The following ATXN7L1 variants were observed in gnomAD, a reference collection of about 807,000 sequenced individuals.
The protein encoded by ATXN7L1 is ataxin 7 like 1.
ATXN7L1 carries 15 observed loss-of-function variants against 70.8 expected under a neutral mutation model. That is an observed-to-expected ratio of 0.21 (90% CI 0.14 to 0.33). The LOEUF (loss-of-function observed/expected upper bound fraction) is 0.33, where lower values mean the gene tolerates loss of function less well. ATXN7L1 is among the 10% of genes least tolerant of loss of function. The probability of loss-of-function intolerance (pLI) is 1.00; values close to 1 mark genes in which losing one functional copy is unlikely to be tolerated. For missense variants in ATXN7L1, 975 were observed against 1,097.1 expected (o/e 0.89, Z 1.57); for synonymous variants, 440 against 445.1 (o/e 0.99, Z 0.14).
At chr7:105,703,968 C>T (rs1212182226) in intron 3 of ATXN7L1, among the ~76,000 whole-genome samples, 1 of 152,224 alleles carries the variant, frequency 6.6e-6, no homozygotes, top group African/African-American at 2.4e-5. Context: ...AGAATTCAGT[C>T]TCATACCCAC....
Position 105,614,406 on chromosome 7 carries a change from T to C in ATXN7L1, c.1928A>G (p.Lys643Arg), listed in dbSNP as rs1446356232. The stretch of plus-strand genomic sequence containing the variant: ...AGTCGAAGACTGTGGCTTCCTTTTT[T>C]TGTTACTTGGAGACTCGTCGCTACG... Reference protein sequence around the residue: ...STRSDESPSNKKRKPQSSTSS... With the variant: ...STRSDESPSNRKRKPQSSTSS... The change falls in exon 10 of 12, where the codon AAA (lysine) becomes AGA (arginine). Residue 643 changes from lysine to arginine, a missense_variant. Lys to Arg is a conservative substitution (Grantham distance 26, BLOSUM62 2). Coordinates refer to ENST00000419735, the MANE Select transcript of ATXN7L1 (RefSeq NM_020725.2). This position sits in a 1 kb window ranked among gnomAD's most constrained non-coding sequence, Gnocchi z 4.3. 3.2e-6 allele frequency: 5 copies of C among 1,551,898 alleles called. No homozygotes were observed. The highest frequency in any genetic ancestry group is 3.9e-5 in the Admixed American group (2 of 50,922).
chr7:105,649,720 G>A (rs762085469), intron 4 of ATXN7L1, among the ~76,000 whole-genome samples: 13 of 152,234 alleles, frequency 8.5e-5, no homozygotes, highest in Non-Finnish European at 1.5e-4. Context: ...GGTTCTGAAT[G>A]TCTCTAGGTC....
chr7:105,678,947 C>T, intron 3 of ATXN7L1: 3 of 513,112 alleles, frequency 5.8e-6, no homozygotes, highest in Non-Finnish European at 7.5e-6. Flanking sequence ...TGCTAAATGC[C>T]TCGTGGGCTG....
In ATXN7L1 at chr7:105,643,021, C is replaced by G; in HGVS notation, c.679G>C (p.Ala227Pro). 6.4e-7 allele frequency: 1 copy of G among 1,551,754 alleles called. No homozygotes were observed. The highest frequency in any genetic ancestry group is 1.2e-5 in the South Asian group (1 of 84,052). ...MNSTTTTAVSASSTSSSAVST... is the reference protein window; with the variant it reads ...MNSTTTTAVSPSSTSSSAVST... The stretch of plus-strand genomic sequence containing the variant: ...ACGGCAGAGGACGAGGTGGAGGAGG[C>G]AGAAACTGCAGTAGTGGTTGTGGAG... The change falls in exon 5 of 12, where the codon GCC becomes CCC. Residue 227 changes from alanine (A) to proline (P), a missense_variant. This residue lies in a region of ATXN7L1 where 192 missense variants were observed against 215.5 expected (regional missense o/e 0.89). Coordinates refer to ENST00000419735, the MANE Select transcript of ATXN7L1 (RefSeq NM_020725.2).
At chr7:105,791,815 T>C (rs1282880564) in intron 2 of ATXN7L1, among the ~76,000 whole-genome samples, 1 of 152,222 alleles carries the variant, frequency 6.6e-6, no homozygotes, top group African/African-American at 2.4e-5. Context: ...TGACATCCTT[T>C]CTGCAACAGG....
chr7:105,776,221 TCACGTTA>T (rs1802706712), intron 3 of ATXN7L1, among the ~76,000 whole-genome samples: 1 of 152,008 alleles, frequency 6.6e-6, no homozygotes, highest in African/African-American at 2.4e-5. Flanking sequence ...AAGCCAGGGG[TCACGTTA>T]CAGCGAGAGC....
rs1793637358 is a variant in ATXN7L1 at position 105,614,870 on chromosome 7, C to T, written c.1518-54G>A. On this transcript the variant is annotated intron_variant, in intron 9 of 11. Coordinates refer to ENST00000419735, the MANE Select transcript of ATXN7L1 (RefSeq NM_020725.2). This position sits in a 1 kb window ranked among gnomAD's most constrained non-coding sequence, Gnocchi z 4.3. ...TCAGTGAGACATCGGGTTGGCATTG[C>T]TCAGGAGGCTCGATGACGTTTGAGG... is the stretch of plus-strand genomic sequence containing the variant. 25 of 1,501,736 alleles carry T rather than the reference C, an allele frequency of 1.7e-5. No homozygotes were observed. The highest frequency in any genetic ancestry group is 2.2e-5 in the Non-Finnish European group (25 of 1,120,336). 93.0% of individuals were successfully genotyped at this position (1,501,736 alleles called of 1,614,324 possible).
At chr7:105,686,408 T>A (rs1806190513) in intron 3 of ATXN7L1, among the ~76,000 whole-genome samples, 1 of 151,978 alleles carries the variant, frequency 6.6e-6, no homozygotes, top group Admixed American at 6.6e-5. Context: ...CCTAGCTACT[T>A]GGGAGGCTGA....
chr7:105,751,913 T>C lies in ATXN7L1; in HGVS notation c.355+36691A>G, dbSNP rs141361485. Reference sequence around the variant, plus strand: ...CTTATACTGGGCCTCCTTCGGTAGATAGCAATCCTTCAAACAACCATAATC... The same window carrying C: ...CTTATACTGGGCCTCCTTCGGTAGACAGCAATCCTTCAAACAACCATAATC... On this transcript the variant is annotated intron_variant, in intron 3 of 11. Transcript: ENST00000419735. Among the ~76,000 whole-genome samples, 10 of 152,356 alleles carry C rather than the reference T, an allele frequency of 6.6e-5. No individual in the cohort carries two copies. In the East Asian group the frequency reaches 1.5e-3, roughly 24 times the overall value.
chr7:105,719,864 G>C (rs1584823230), intron 3 of ATXN7L1, among the ~76,000 whole-genome samples: 1 of 152,350 alleles, frequency 6.6e-6, no homozygotes, highest in Middle Eastern at 3.4e-3. Context: ...GGAACAGAAA[G>C]ATCCAGCTGT....
chr7:105,657,670 C>T (rs1303773260), intron 4 of ATXN7L1, among the ~76,000 whole-genome samples: 4 of 132,526 alleles, frequency 3.0e-5, no homozygotes, highest in African/African-American at 1.2e-4. Flanking sequence ...GTACTCCAGC[C>T]GCAGCCTGGG....
intron 2 of ATXN7L1, among the ~76,000 whole-genome samples, chr7:105,856,586 CAAA>C (rs375731226): frequency 5.0e-5 from 4 of 80,288 alleles, no homozygotes; most frequent in Admixed American, 1.4e-4. Context: ...GACTCAGTCT[CAAA>C]AAAAAAAAAA....
At position 105,744,124 on chromosome 7, in the gene ATXN7L1, T is replaced by C. The variant is rs77536335; in HGVS notation, c.355+44480A>G. Among the ~76,000 whole-genome samples the C allele has an allele frequency of 9.2e-5, 14 of 152,016 alleles. No individual in the cohort carries two copies. In the East Asian group the frequency reaches 2.5e-3, roughly 27 times the overall value. The stretch of plus-strand genomic sequence containing the variant: ...GTTAAAAAACAGAAACATCATCACC[T>C]CTCAAGTCACCAAAGGATTAAATGA... On this transcript the variant is annotated intron_variant, in intron 3 of 11. Coordinates refer to ENST00000419735, the MANE Select transcript of ATXN7L1 (RefSeq NM_020725.2).
Position 105,613,903 on chromosome 7 carries a change from C to A in ATXN7L1, c.2431G>T (p.Ala811Ser). The change falls in exon 10 of 12, where the codon GCA (alanine) becomes TCA (serine). Residue 811 changes from alanine (A) to serine (S), a missense_variant. Coordinates refer to ENST00000419735, the MANE Select transcript of ATXN7L1 (RefSeq NM_020725.2). Reference sequence around the variant, plus strand: ...CTGTTAACGGGATCGGGCACCGGTGCGAGAAGGCTGGGCGGGTTCTTTTTG... The same window carrying A: ...CTGTTAACGGGATCGGGCACCGGTGAGAGAAGGCTGGGCGGGTTCTTTTTG... ...VHKKNPPSLLAPVPDPVNSTS... is the reference protein window; with the variant it reads ...VHKKNPPSLLSPVPDPVNSTS... The A allele has an allele frequency of 1.3e-6, 2 of 1,552,020 alleles. No individual in the cohort carries two copies. The highest frequency in any genetic ancestry group is 1.7e-6 in the Non-Finnish European group (2 of 1,146,994).
chr7:105,656,520 G>T (rs1391562704), intron 4 of ATXN7L1, among the ~76,000 whole-genome samples: 2 of 152,062 alleles, frequency 1.3e-5, no homozygotes. Context: ...AGGCAGTTCT[G>T]CAGGGAACAA....
At chr7:105,620,084 C>T in intron 9 of ATXN7L1, 116 bp downstream of exon 9, 1 of 1,326,592 alleles carries the variant, frequency 7.5e-7, no homozygotes, top group Non-Finnish European at 1.0e-6. Flanking sequence ...AGCATCCTGA[C>T]TTCAGAATCA....
intron 3 of ATXN7L1, chr7:105,691,658 TA>T (rs34303034): frequency 0.72 from 79,478 of 110,622 alleles, 25,902 homozygotes; most frequent in Middle Eastern, 0.8. Flanking sequence ...CGGATGTCAG[TA>T]AAAAAAAAAA....
chr7:105,612,567 C>T (rs570191966), intron 10 of ATXN7L1, among the ~76,000 whole-genome samples: 5 of 152,150 alleles, frequency 3.3e-5, no homozygotes, highest in African/African-American at 1.2e-4. Flanking sequence ...GCGGTGGCAC[C>T]CACCAGCAGT....
chr7:105,836,531 T>A (rs1258913410), intron 2 of ATXN7L1, among the ~76,000 whole-genome samples: 1 of 152,086 alleles, frequency 6.6e-6, no homozygotes, highest in Non-Finnish European at 1.5e-5. Flanking sequence ...GAAAAGTAAA[T>A]TATCAGGGAC....
Sources: allele counts gnomAD v4.1 joint callset (sites outside exome capture counted in the v4.1 genomes callset), GRCh38; gene constraint gnomAD v4.1.1; regional missense constraint gnomAD v4.1.1; non-coding constraint Gnocchi (gnomAD v3.1); transcripts MANE v1.5; gene names NCBI Gene and HGNC (gene_info 2026-07-23, HGNC 2026-07-21).